Variants in HAPLN2 observed in about 807,000 individuals in gnomAD.
The protein encoded by HAPLN2 is hyaluronan and proteoglycan link protein 2, also known as brain link protein-1.
HAPLN2 carries 27 observed loss-of-function variants against 29.3 expected under a neutral mutation model. The ratio of observed to expected loss-of-function variants is 0.92; its 90% CI spans 0.68 to 1.27. The LOEUF is 1.27. Among genes scored for constraint, HAPLN2 ranks in the 50% most tolerant of loss-of-function variants. The probability of loss-of-function intolerance (pLI) is 0.00; values close to 1 mark genes in which losing one functional copy is unlikely to be tolerated. For missense variants in HAPLN2, 454 were observed against 484.3 expected (o/e 0.94, Z 0.59); for synonymous variants, 208 against 211.7 (o/e 0.98, Z 0.15).
At chr1:156,609,566 T>A in the HAPLN2 span, among the ~76,000 whole-genome samples, 8 of 152,262 alleles carry the variant, frequency 5.3e-5, no homozygotes, top group Admixed American at 2.0e-4. Context: ...TTTGATGGCC[T>A]TATTTTTACA....
the HAPLN2 span, among the ~76,000 whole-genome samples, chr1:156,609,440 T>A: frequency 6.6e-6 from 1 of 152,230 alleles, no homozygotes; most frequent in Admixed American, 6.5e-5. Context: ...CACTTTTTAA[T>A]GTTGTTATGT....
intron 3 of HAPLN2, 56 bp from the exon 4 acceptor site, chr1:156,623,751 G>A (rs778664792): frequency 1.4e-5 from 20 of 1,470,584 alleles, no homozygotes; most frequent in Middle Eastern, 1.8e-4. Context: ...GGGTCTGATG[G>A]GCACTTGGGG....
the HAPLN2 span, among the ~76,000 whole-genome samples, chr1:156,607,193 G>A: frequency 6.6e-6 from 1 of 152,162 alleles, no homozygotes; most frequent in Non-Finnish European, 1.5e-5. Context: ...TACAATTAAT[G>A]TATTATTTTT....
chr1:156,604,572 C>T, the HAPLN2 span, among the ~76,000 whole-genome samples: 1 of 152,140 alleles, frequency 6.6e-6, no homozygotes, highest in Non-Finnish European at 1.5e-5. Flanking sequence ...AAAGGCGGAG[C>T]CACCGTGCCC....
chr1:156,624,968 C>G (rs1678399489), intron 6 of HAPLN2, 133 bp from the exon 7 acceptor site: 1 of 1,121,580 alleles, frequency 8.9e-7, no homozygotes, highest in Non-Finnish European at 1.2e-6. Flanking sequence ...ACTTTTGCCT[C>G]GATCCCCCAA....
Position 156,625,537 on chromosome 1 carries a change from C to A in HAPLN2, c.*153C>A, listed in dbSNP as rs1571424355. 1 of 749,952 alleles carries A rather than the reference C, an allele frequency of 1.3e-6. No homozygotes were observed. The highest frequency in any genetic ancestry group is 1.9e-6 in the Non-Finnish European group (1 of 515,226). 46.5% of individuals were successfully genotyped at this position (749,952 alleles called of 1,614,324 possible). ...CCAGCCGGGGGCTGCGGGCCTCGGA[C>A]CCCGGCTGGCCCGGCGGCGGGGAGG... On this transcript the variant is annotated 3_prime_UTR_variant, in exon 7 of 7. Coordinates refer to ENST00000255039, the MANE Select transcript of HAPLN2 (RefSeq NM_021817.3). The surrounding 1 kb of genome is among the most constrained non-coding windows in gnomAD (Gnocchi z 5.7).
At chr1:156,612,877 A>T in the HAPLN2 span, among the ~76,000 whole-genome samples, 1 of 152,216 alleles carries the variant, frequency 6.6e-6, no homozygotes, top group Non-Finnish European at 1.5e-5. Flanking sequence ...GGAGGGTGCT[A>T]GTGTGTTGCC....
chr1:156,604,370 G>GCAA, the HAPLN2 span, among the ~76,000 whole-genome samples: 2 of 149,722 alleles, frequency 1.3e-5, no homozygotes, highest in Non-Finnish European at 3.0e-5. Context: ...TTGGTTCACT[G>GCAA]CAACCTCCAC....
chr1:156,624,955 T>A, intron 6 of HAPLN2, 146 bp from the exon 7 acceptor site: 1 of 426,130 alleles, frequency 2.3e-6, no homozygotes, highest in South Asian at 6.0e-5. Context: ...AAACCCTCCC[T>A]GCACTTTTGC....
At position 156,623,870 on chromosome 1, in the gene HAPLN2, G is replaced by C; in HGVS notation, c.149G>C (p.Gly50Ala). ...CACGAGGTCATTCACTCTCATCGTG[G>C]GGCCACGGCCACGCTGCCCTGCGTC... The part of the protein sequence containing the change: ...PIHEVIHSHR[G>A]ATATLPCVLG... Residue 50 changes from glycine (G) to alanine (A), a missense_variant, in exon 4 of 7, where the codon GGG becomes GCG. Physicochemically the swap from Gly to Ala is moderately conservative, Grantham distance 60. This residue lies in a region of HAPLN2 where 204 missense variants were observed against 209.2 expected (regional missense o/e 0.98). Coordinates refer to ENST00000255039, the MANE Select transcript of HAPLN2 (RefSeq NM_021817.3). 1 of 1,565,112 alleles carries C rather than the reference G, an allele frequency of 6.4e-7. No individual in the cohort carries two copies. Among genetic ancestry groups the C allele is most frequent in the Middle Eastern group, 1.7e-4 (1 of 5,804 alleles).
the HAPLN2 span, among the ~76,000 whole-genome samples, chr1:156,602,351 G>T: frequency 1.1e-4 from 17 of 152,024 alleles, no homozygotes; most frequent in African/African-American, 4.1e-4. Flanking sequence ...ACCCAGTCTA[G>T]CCTGGGAAAC....
chr1:156,608,793 C>CT, the HAPLN2 span, among the ~76,000 whole-genome samples: 1 of 152,084 alleles, frequency 6.6e-6, no homozygotes, highest in African/African-American at 2.4e-5. Context: ...CACCCGCCCT[C>CT]TTTCTTTTGC....
upstream of HAPLN2, among the ~76,000 whole-genome samples, chr1:156,618,157 G>A (rs1678106787): frequency 6.6e-6 from 1 of 151,826 alleles, no homozygotes; most frequent in African/African-American, 2.4e-5. Flanking sequence ...AATTATCTTG[G>A]CGTGGTGGCG....
intron 2 of HAPLN2, among the ~76,000 whole-genome samples, chr1:156,622,410 T>C (rs1479257364): frequency 6.6e-6 from 1 of 151,448 alleles, no homozygotes; most frequent in Non-Finnish European, 1.5e-5. Flanking sequence ...GCCATGATCA[T>C]ACCACTGCAC....
chr1:156,623,041 T>TAAAAAA (rs1463020915), intron 2 of HAPLN2, among the ~76,000 whole-genome samples: 2 of 93,278 alleles, frequency 2.1e-5, no homozygotes, highest in African/African-American at 5.0e-5. Flanking sequence ...CTCAAAAAAA[T>TAAAAAA]AAATAAATAA....
intron 2 of HAPLN2, among the ~76,000 whole-genome samples, chr1:156,622,926 C>T (rs1196482318): frequency 2.6e-5 from 4 of 151,534 alleles, no homozygotes; most frequent in Non-Finnish European, 5.9e-5. Context: ...TCCAGCTACT[C>T]AGGAGGCTGA....
At position 156,625,341 on chromosome 1, in the gene HAPLN2, C is replaced by G; in HGVS notation, c.980C>G (p.Pro327Arg). The change falls in exon 7 of 7, where the codon CCC (proline) becomes CGC (arginine). Residue 327 changes from proline (P) to arginine (R), a missense_variant. By Grantham distance (103) the Pro-to-Arg change is moderately radical. This residue lies in a region of HAPLN2 where 235 missense variants were observed against 236.9 expected (regional missense o/e 0.99). Coordinates refer to ENST00000255039, the MANE Select transcript of HAPLN2 (RefSeq NM_021817.3). This position sits in a 1 kb window ranked among gnomAD's most constrained non-coding sequence, Gnocchi z 5.7. The stretch of plus-strand genomic sequence containing the variant: ...GTGCGCAGTTTCGGCTTCCCCAGGC[C>G]CCAACAGGCAGCCTATGGGACCTAC... ...PGVRSFGFPR[P>R]QQAAYGTYCY... 1 of 1,600,884 alleles carries G rather than the reference C, an allele frequency of 6.2e-7. No homozygotes were observed. Among genetic ancestry groups the G allele is most frequent in the Non-Finnish European group, 8.5e-7 (1 of 1,174,560 alleles).
Position 156,624,632 on chromosome 1 carries a change from G to A in HAPLN2, c.588G>A (p.Ala196=), listed in dbSNP as rs1278422983. The change falls in exon 6 of 7, where the codon GCG becomes GCA. Residue 196 remains alanine (A), a synonymous_variant. Transcript: ENST00000255039. ...AWTEGLDWCN[A]GWLLEGSVRY... ...CCGAGGGTCTGGACTGGTGTAACGC[G>A]GGCTGGCTGCTCGAGGGCTCCGTGC... The A allele has an allele frequency of 3.1e-6, 5 of 1,612,492 alleles. No homozygotes were observed. The highest frequency in any genetic ancestry group is 2.2e-5 in the South Asian group (2 of 90,982).
the HAPLN2 span, among the ~76,000 whole-genome samples, chr1:156,606,423 T>TA: frequency 0.28 from 13,587 of 48,976 alleles, 2,218 homozygotes; most frequent in South Asian, 0.44. Flanking sequence ...AGACTCTGTC[T>TA]AAAAAAAAAA....
Sources: allele counts gnomAD v4.1 joint callset (sites outside exome capture counted in the v4.1 genomes callset), GRCh38; gene constraint gnomAD v4.1.1; regional missense constraint gnomAD v4.1.1; non-coding constraint Gnocchi (gnomAD v3.1); transcripts MANE v1.5; gene names NCBI Gene and HGNC (gene_info 2026-07-23, HGNC 2026-07-21).